Variants in COL5A2 observed in about 807,000 individuals in gnomAD.
COL5A2 encodes the protein collagen alpha-2(V) chain.
In COL5A2, 23 loss-of-function variants were observed where a neutral mutation model predicts 208.2. That is an observed-to-expected ratio of 0.11 (90% CI 0.08 to 0.16). COL5A2 has a LOEUF of 0.16. Among genes scored for constraint, COL5A2 ranks in the 10% least tolerant of loss-of-function variants. The pLI is 1.00. For synonymous variants in COL5A2, 625 were observed against 628.5 expected (o/e 0.99, Z 0.08); for missense variants, 1,590 against 1,956.4 (o/e 0.81, Z 3.53).
the COL5A2 span, among the ~76,000 whole-genome samples, chr2:189,426,468 G>A: frequency 2.6e-5 from 4 of 152,118 alleles, no homozygotes; most frequent in African/African-American, 4.8e-5. Context: ...TCTTTGCTTC[G>A]AGTTTTCCCA....
At chr2:189,235,049 G>A in the COL5A2 span, among the ~76,000 whole-genome samples, 1 of 151,498 alleles carries the variant, frequency 6.6e-6, no homozygotes, top group Non-Finnish European at 1.5e-5. Context: ...TAAATATAGT[G>A]TATATTTTAT....
chr2:189,099,902 T>C (rs1687013127), intron 4 of COL5A2, among the ~76,000 whole-genome samples: 1 of 152,212 alleles, frequency 6.6e-6, no homozygotes, highest in African/African-American at 2.4e-5. Context: ...CCTTTAGTCA[T>C]GGGACTATAA....
chr2:189,237,357 A>AT, the COL5A2 span, among the ~76,000 whole-genome samples: 283 of 151,262 alleles, frequency 1.9e-3, 1 homozygote, highest in African/African-American at 6.4e-3. Flanking sequence ...ACAAAAGAGG[A>AT]TAAGAATAAG....
At chr2:189,182,552 A>G (rs1688795547), upstream of COL5A2, among the ~76,000 whole-genome samples, 1 of 152,072 alleles carries the variant, frequency 6.6e-6, no homozygotes, top group Admixed American at 6.6e-5. Flanking sequence ...CCTATTTCCA[A>G]TTAATGAATG....
chr2:189,040,651 T>C (rs1278301224), intron 50 of COL5A2, among the ~76,000 whole-genome samples: 2 of 151,956 alleles, frequency 1.3e-5, no homozygotes, highest in Non-Finnish European at 2.9e-5. Flanking sequence ...CAAAGGGCTG[T>C]TACATAATTT....
chr2:189,369,242 C>G, the COL5A2 span, among the ~76,000 whole-genome samples: 3 of 152,070 alleles, frequency 2.0e-5, no homozygotes, highest in Non-Finnish European at 4.4e-5. Flanking sequence ...TTGAACTAGT[C>G]TTACCTAATT....
chr2:189,285,071 G>GGTATGT, the COL5A2 span, among the ~76,000 whole-genome samples: 1 of 139,702 alleles, frequency 7.2e-6, no homozygotes, highest in South Asian at 2.5e-4. Context: ...GCATGCACAT[G>GGTATGT]GTGTGTGTGT....
At chr2:189,263,469 C>T in the COL5A2 span, among the ~76,000 whole-genome samples, 2 of 152,106 alleles carry the variant, frequency 1.3e-5, no homozygotes, top group Admixed American at 6.6e-5. Flanking sequence ...TACCTAGTGA[C>T]GTAGCTTTCC....
At chr2:189,302,797 C>T in the COL5A2 span, among the ~76,000 whole-genome samples, 1 of 152,080 alleles carries the variant, frequency 6.6e-6, no homozygotes, top group Non-Finnish European at 1.5e-5. Context: ...TCTGTCAGTC[C>T]CCTAGTAGCT....
intron 1 of COL5A2, among the ~76,000 whole-genome samples, chr2:189,112,368 AT>A (rs1366915550): frequency 6.6e-6 from 1 of 152,244 alleles, no homozygotes; most frequent in Non-Finnish European, 1.5e-5. Context: ...TATTCAAATG[AT>A]AATGCAAAGC....
At chr2:189,136,943 CT>C (rs1687838537) in intron 1 of COL5A2, among the ~76,000 whole-genome samples, 1 of 152,086 alleles carries the variant, frequency 6.6e-6, no homozygotes. Context: ...ATGGCCCAAA[CT>C]TTTTATTGTC....
intron 1 of COL5A2, 41 bp downstream of exon 1, chr2:189,179,467 C>A (rs372281187): frequency 6.3e-7 from 1 of 1,594,560 alleles, no homozygotes; most frequent in Admixed American, 1.7e-5. Context: ...TTTCCCAAAC[C>A]GTGCAATAAA....
At chr2:189,120,189 C>A (rs1456309552) in intron 1 of COL5A2, among the ~76,000 whole-genome samples, 3 of 151,990 alleles carry the variant, frequency 2.0e-5, no homozygotes, top group Non-Finnish European at 4.4e-5. Context: ...AACTTCCTTG[C>A]CAAAAACAAC....
At chr2:189,190,583 A>G (rs1437048639) in intron 1 of COL5A2, among the ~76,000 whole-genome samples, 1 of 152,226 alleles carries the variant, frequency 6.6e-6, no homozygotes, top group Non-Finnish European at 1.5e-5. Context: ...CAGAAACCAC[A>G]ATGTACTTAA....
At chr2:189,117,470 T>C (rs537782440) in intron 1 of COL5A2, among the ~76,000 whole-genome samples, 68 of 152,270 alleles carry the variant, frequency 4.5e-4, no homozygotes, top group African/African-American at 1.6e-3. Flanking sequence ...GAAACATTTG[T>C]AAGTGTTCTG....
chr2:189,243,879 T>C, the COL5A2 span, among the ~76,000 whole-genome samples: 1 of 152,012 alleles, frequency 6.6e-6, no homozygotes, highest in South Asian at 2.1e-4. Context: ...ATGGGAGAAA[T>C]TGGCCAAAAC....
intron 37 of COL5A2, 126 bp downstream of exon 37, chr2:189,053,768 TA>T: frequency 1.1e-6 from 1 of 921,048 alleles, no homozygotes; most frequent in Non-Finnish European, 1.7e-6. Context: ...AAGCAAAAGC[TA>T]AAAACCAGGA....
chr2:189,412,059 A>G, the COL5A2 span, among the ~76,000 whole-genome samples: 14 of 152,190 alleles, frequency 9.2e-5, no homozygotes, highest in Admixed American at 7.8e-4. Context: ...TTCAGTTTAC[A>G]TACTTTAAGT....
At chr2:189,327,326 T>C in the COL5A2 span, among the ~76,000 whole-genome samples, 2 of 151,998 alleles carry the variant, frequency 1.3e-5, no homozygotes, top group East Asian at 3.9e-4. Context: ...ATGTTTTTAG[T>C]TCACAAATAG....
Sources: allele counts gnomAD v4.1 joint callset (sites outside exome capture counted in the v4.1 genomes callset), GRCh38; gene constraint gnomAD v4.1.1; transcripts MANE v1.5; gene names NCBI Gene and HGNC (gene_info 2026-07-23, HGNC 2026-07-21).